The following MEX3C variants were observed in gnomAD, a reference collection of about 807,000 sequenced individuals.
MEX3C encodes mex-3 RNA binding family member C, also known as RNA-binding E3 ubiquitin-protein ligase MEX3C.
In MEX3C, 15 loss-of-function variants were observed where a neutral mutation model predicts 35.5. That is an observed-to-expected ratio of 0.42 (90% CI 0.28 to 0.65). The LOEUF (loss-of-function observed/expected upper bound fraction) is 0.65, where lower values mean the gene tolerates loss of function less well. Ranked by LOEUF, MEX3C falls within the 30% of genes least tolerant of loss-of-function variation. MEX3C has a pLI of 0.20. For synonymous variants in MEX3C, 390 were observed against 352.8 expected (o/e 1.11, Z -1.18); for missense variants, 711 against 842.8 (o/e 0.84, Z 1.94).
intron 1 of MEX3C, among the ~76,000 whole-genome samples, chr18:51,183,267 T>C (rs1250856778): frequency 6.6e-6 from 1 of 152,194 alleles, no homozygotes; most frequent in African/African-American, 2.4e-5. Context: ...CAAGTTTTGT[T>C]TTTGTTTTTA....
intron 1 of MEX3C, among the ~76,000 whole-genome samples, chr18:51,178,822 T>C (rs555846260): frequency 6.7e-6 from 1 of 148,240 alleles, no homozygotes; most frequent in South Asian, 2.1e-4. Context: ...ATTGTCCCAC[T>C]GCACTCCAGC....
chr18:51,179,291 C>T (rs556381901), intron 1 of MEX3C, among the ~76,000 whole-genome samples: 13 of 152,228 alleles, frequency 8.5e-5, no homozygotes, highest in African/African-American at 2.9e-4. Flanking sequence ...CGGGAGCCAC[C>T]GCACCTGGCC....
chr18:51,197,186 C>T lies in MEX3C; in HGVS notation c.135G>A (p.Gly45=), dbSNP rs975561229. The T allele has an allele frequency of 1.9e-6, 2 of 1,031,572 alleles. No individual in the cohort carries two copies. The highest frequency in any genetic ancestry group is 2.3e-6 in the Non-Finnish European group (2 of 863,322). The allele number at this position is 1,031,572 out of a possible 1,614,324, so 63.9% of individuals were successfully genotyped here. The part of the protein sequence containing the change: ...PSGGPELEGD[G]LLLRERLAAL... ...CGGCCAAGCGCTCCCTCAGCAGGAG[C>T]CCGTCCCCCTCGAGCTCCGGGCCGC... Residue 45 remains glycine, a synonymous_variant, in exon 1 of 2, where the codon GGG becomes GGA. Coordinates refer to ENST00000406189, the MANE Select transcript of MEX3C (RefSeq NM_016626.5).
At position 51,197,102 on chromosome 18, in the gene MEX3C, C is replaced by T. The variant is rs546497025; in HGVS notation, c.219G>A (p.Pro73=). 4,748 of 1,182,042 alleles carry T rather than the reference C, an allele frequency of 4.0e-3. 14 individuals carry two copies. The highest frequency in any genetic ancestry group is 4.6e-3 in the Non-Finnish European group (4,363 of 958,578). 73.2% of individuals were successfully genotyped at this position (1,182,042 alleles called of 1,614,324 possible). A position where few individuals can be genotyped will look rare whatever the true frequency, so the allele number is the denominator to read the frequency against. Residue 73 remains proline, a synonymous_variant, in exon 1 of 2, where the codon CCG becomes CCA. Coordinates refer to ENST00000406189, the MANE Select transcript of MEX3C (RefSeq NM_016626.5). Reference sequence around the variant, plus strand: ...GGGCCTGGCCCTGCGCCGCCGCTGCCGGGGCCCGAAGCGCCGGGGCGCCGG... The same window carrying T: ...GGGCCTGGCCCTGCGCCGCCGCTGCTGGGGCCCGAAGCGCCGGGGCGCCGG... ...AEPGAPALRA[P]AAAAQGQARR...
rs1219094751 is a variant in MEX3C at position 51,196,715 on chromosome 18, G to C, written c.606C>G (p.Ser202=). Residue 202 remains serine, a synonymous_variant, in exon 1 of 2, where the codon TCC becomes TCG. Transcript: ENST00000406189. ...CACAACCGCCGGGGCCGTAGGCGTG[G>C]GACAGCATCGCCGCCATCATGCCCT... is the stretch of plus-strand genomic sequence containing the variant. ...DAQGMMAAML[S]HAYGPGGCGA... The C allele has an allele frequency of 1.3e-6, 2 of 1,535,552 alleles. No individual in the cohort carries two copies. The highest frequency in any genetic ancestry group is 2.4e-5 in the South Asian group (2 of 83,846).
At chr18:51,191,301 C>T (rs529064814) in intron 1 of MEX3C, among the ~76,000 whole-genome samples, 96 of 152,272 alleles carry the variant, frequency 6.3e-4, no homozygotes, top group African/African-American at 2.0e-3. Flanking sequence ...GCATTACTTC[C>T]GGATCTAACA....
rs955440459 is a variant in MEX3C, at chr18:51,177,826, A to C, written c.755-250T>G. Reference sequence around the variant, plus strand: ...GAAGTTATTAAACTGACTTCCACCTAATTATCTTACCACTTTAACTTAACA... The same window carrying C: ...GAAGTTATTAAACTGACTTCCACCTCATTATCTTACCACTTTAACTTAACA... On this transcript the variant is annotated intron_variant, in intron 1 of 1. Transcript: ENST00000406189. The surrounding 1 kb of genome is among the most constrained non-coding windows in gnomAD (Gnocchi z 4.2). Among the ~76,000 whole-genome samples the C allele has an allele frequency of 1.3e-5, 2 of 152,142 alleles. No homozygotes were observed. Among genetic ancestry groups the C allele is most frequent in the Non-Finnish European group, 2.9e-5 (2 of 68,028 alleles).
Position 51,197,185 on chromosome 18 carries a change from G to A in MEX3C, c.136C>T (p.Leu46Phe), listed in dbSNP as rs1315080245. Residue 46 changes from leucine (L) to phenylalanine (F), a missense_variant, in exon 1 of 2, where the codon CTC becomes TTC. Physicochemically the swap from Leu to Phe is conservative, Grantham distance 22. Transcript: ENST00000406189. The stretch of plus-strand genomic sequence containing the variant: ...GCGGCCAAGCGCTCCCTCAGCAGGA[G>A]CCCGTCCCCCTCGAGCTCCGGGCCG... Reference protein sequence around the residue: ...SGGPELEGDGLLLRERLAALG... With the variant: ...SGGPELEGDGFLLRERLAALG... 4 of 1,032,346 alleles carry A rather than the reference G, an allele frequency of 3.9e-6. No homozygotes were observed. The African/African-American group carries it at 5.2e-5, about 13-fold the overall frequency. 63.9% of individuals were successfully genotyped at this position (1,032,346 alleles called of 1,614,324 possible).
At chr18:51,190,583 T>A (rs78705279) in intron 1 of MEX3C, among the ~76,000 whole-genome samples, 2 of 152,196 alleles carry the variant, frequency 1.3e-5, no homozygotes, top group African/African-American at 2.4e-5. Context: ...CTGCATGCAA[T>A]GAGGAATTGT....
rs958760276 is a variant in MEX3C at position 51,174,770 on chromosome 18, A to G, written c.*1581T>C. 5 of 152,666 alleles carry G rather than the reference A, an allele frequency of 3.3e-5. No individual in the cohort carries two copies. Among genetic ancestry groups the G allele is most frequent in the Non-Finnish European group, 7.3e-5 (5 of 68,044 alleles). 9.5% of individuals were successfully genotyped at this position (152,666 alleles called of 1,614,324 possible). On this transcript the variant is annotated 3_prime_UTR_variant, in exon 2 of 2. Coordinates refer to ENST00000406189, the MANE Select transcript of MEX3C (RefSeq NM_016626.5). ...CATAACAAAAGAGTGTAGTAAAATT[A>G]GCAAATACTAAACTATATTGATAAT... is the stretch of plus-strand genomic sequence containing the variant.
At chr18:51,179,970 C>A (rs1220173974) in intron 1 of MEX3C, among the ~76,000 whole-genome samples, 1 of 152,026 alleles carries the variant, frequency 6.6e-6, no homozygotes, top group African/African-American at 2.4e-5. Context: ...AAGAGACAGA[C>A]AATATTCTGC....
Position 51,197,115 on chromosome 18 carries a change from G to A in MEX3C, c.206C>T (p.Ala69Val), listed in dbSNP as rs1467854052. 1.3e-5 allele frequency: 15 copies of A among 1,119,724 alleles called. 1 individual carries two copies. The highest frequency in any genetic ancestry group is 1.6e-5 in the Non-Finnish European group (15 of 920,946). The allele number at this position is 1,119,724 out of a possible 1,614,324, so 69.4% of individuals were successfully genotyped here. The change falls in exon 1 of 2, where the codon GCG becomes GTG. Residue 69 changes from alanine to valine, a missense_variant. Physicochemically the swap from Ala to Val is moderately conservative, Grantham distance 64. Coordinates refer to ENST00000406189, the MANE Select transcript of MEX3C (RefSeq NM_016626.5). ...CGCCGCCGCTGCCGGGGCCCGAAGCGCCGGGGCGCCGGGCTCCGCCGGGCT... is the reference window on the plus strand; with the variant it reads ...CGCCGCCGCTGCCGGGGCCCGAAGCACCGGGGCGCCGGGCTCCGCCGGGCT... ...DPSPAEPGAPALRAPAAAAQG... is the reference protein window; with the variant it reads ...DPSPAEPGAPVLRAPAAAAQG...
rs1445046166 is a variant in MEX3C at position 51,176,829 on chromosome 18, G to C, written c.1502C>G (p.Ser501Cys). ...GATAGTTTGAGCAGATGTTGGTAAA[G>C]AGTCAAAGGCAGGAGAGTCAACTGC... The part of the protein sequence containing the change: ...DLAVDSPAFD[S>C]LPTSAQTIWT... Residue 501 changes from serine to cysteine, a missense_variant, in exon 2 of 2, where the codon TCT becomes TGT. Physicochemically the swap from Ser to Cys is moderately radical, Grantham distance 112. Around this residue, in one of 4 missense-constraint regions of MEX3C, gnomAD observed 187 missense variants for 201.7 expected, o/e 0.93. Coordinates refer to ENST00000406189, the MANE Select transcript of MEX3C (RefSeq NM_016626.5). 1.2e-6 allele frequency: 2 copies of C among 1,614,006 alleles called. No homozygotes were observed. The highest frequency in any genetic ancestry group is 1.7e-6 in the Non-Finnish European group (2 of 1,179,884).
chr18:51,187,914 G>C (rs1307188858), intron 1 of MEX3C, among the ~76,000 whole-genome samples: 1 of 152,046 alleles, frequency 6.6e-6, no homozygotes, highest in Non-Finnish European at 1.5e-5. Flanking sequence ...AGTAAATATG[G>C]AATTGCCATT....
At chr18:51,195,075 T>C (rs538731731) in intron 1 of MEX3C, 1 of 145,828 alleles carries the variant, frequency 6.9e-6, no homozygotes, top group African/African-American at 2.7e-5. Context: ...ACATTCTCAA[T>C]ACCACAAACT....
intron 1 of MEX3C, among the ~76,000 whole-genome samples, chr18:51,188,266 A>C (rs1404635918): frequency 6.6e-6 from 1 of 152,198 alleles, no homozygotes; most frequent in African/African-American, 2.4e-5. Context: ...TGTACTTCAA[A>C]CAAAAGTGCC....
Position 51,197,218 on chromosome 18 carries a change from G to T in MEX3C, c.103C>A (p.Pro35Thr). 1 of 1,004,224 alleles carries T rather than the reference G, an allele frequency of 1.0e-6. No homozygotes were observed. Among genetic ancestry groups the T allele is most frequent in the Non-Finnish European group, 1.2e-6 (1 of 844,736 alleles). The allele number at this position is 1,004,224 out of a possible 1,614,324, so 62.2% of individuals were successfully genotyped here. ...PPPPPPPLPP[P>T]SGGPELEGDG... ...CCCTCGAGCTCCGGGCCGCCCGAGG[G>T]CGGCGGCAGAGGCGGCGGTGGCGGC... is the stretch of plus-strand genomic sequence containing the variant. The change falls in exon 1 of 2, where the codon CCC (proline) becomes ACC (threonine). Residue 35 changes from proline (P) to threonine (T), a missense_variant. Coordinates refer to ENST00000406189, the MANE Select transcript of MEX3C (RefSeq NM_016626.5).
At chr18:51,186,055 C>T (rs918011914) in intron 1 of MEX3C, among the ~76,000 whole-genome samples, 7 of 152,116 alleles carry the variant, frequency 4.6e-5, no homozygotes, top group Non-Finnish European at 7.4e-5. Flanking sequence ...TTATCCTAGG[C>T]GTTCCCAGCA....
chr18:51,190,599 G>A (rs1364048054), intron 1 of MEX3C, among the ~76,000 whole-genome samples: 1 of 152,140 alleles, frequency 6.6e-6, no homozygotes, highest in Admixed American at 6.5e-5. Flanking sequence ...ATTGTAGTCC[G>A]TACTTACCGG....
Sources: allele counts gnomAD v4.1 joint callset (sites outside exome capture counted in the v4.1 genomes callset), GRCh38; gene constraint gnomAD v4.1.1; regional missense constraint gnomAD v4.1.1; non-coding constraint Gnocchi (gnomAD v3.1); transcripts MANE v1.5; gene names NCBI Gene and HGNC (gene_info 2026-07-23, HGNC 2026-07-21).